CPNE2: variants seen among roughly 807,000 people sequenced by gnomAD.
The protein encoded by CPNE2 is copine 2.
CPNE2 carries 42 observed loss-of-function variants against 69.7 expected under a neutral mutation model. The ratio of observed to expected loss-of-function variants is 0.60; its 90% CI spans 0.47 to 0.78. The LOEUF is 0.78. CPNE2 is among the 30% of genes least tolerant of loss of function. The pLI, the probability that CPNE2 is intolerant of heterozygous loss-of-function variation, is 0.00. For missense variants in CPNE2, 587 were observed against 732.0 expected (o/e 0.80, Z 2.29); for synonymous variants, 294 against 289.8 (o/e 1.01, Z -0.15).
At chr16:57,095,002 G>C (rs1295476240) in intron 1 of CPNE2, among the ~76,000 whole-genome samples, 1 of 152,216 alleles carries the variant, frequency 6.6e-6, no homozygotes, top group Admixed American at 6.5e-5. Context: ...CTCAGGGTCA[G>C]GGTGCCCCCA....
In CPNE2 at chr16:57,092,608, G is replaced by A. The variant is rs2069550684; in HGVS notation, c.-218G>A. On this transcript the variant is annotated 5_prime_UTR_variant, in exon 1 of 16. Transcript: ENST00000290776. This position sits in a 1 kb window ranked among gnomAD's most constrained non-coding sequence, Gnocchi z 5.3. ...GCCCGCCCGCCCGGCCCGGGAGGAG[G>A]ACCGGACCCCGAGCGGCTGGGAGCG... 1 of 149,512 alleles carries A rather than the reference G, an allele frequency of 6.7e-6. No homozygotes were observed. Among genetic ancestry groups the A allele is most frequent in the African/African-American group, 2.4e-5 (1 of 40,842 alleles). The allele number at this position is 149,512 out of a possible 1,614,324, so 9.3% of individuals were successfully genotyped here.
rs370517131 is a variant in CPNE2, at chr16:57,147,720, G to A, written c.*62G>A. On this transcript the variant is annotated 3_prime_UTR_variant, in exon 16 of 16. Coordinates refer to ENST00000290776, the MANE Select transcript of CPNE2 (RefSeq NM_152727.6). ...CCTGCCCTCCCCCAGGAACATGCAC[G>A]CTCACTCTGCTTCCTTGTGGGTGGC... 40 of 1,105,192 alleles carry A rather than the reference G, an allele frequency of 3.6e-5. 1 individual carries two copies. In the South Asian group the frequency reaches 6.1e-4, roughly 17 times the overall value. The allele number at this position is 1,105,192 out of a possible 1,614,324, so 68.5% of individuals were successfully genotyped here. A position where few individuals can be genotyped will look rare whatever the true frequency, so the allele number is the denominator to read the frequency against.
intron 7 of CPNE2, among the ~76,000 whole-genome samples, chr16:57,119,989 C>T (rs1711753627): frequency 6.6e-6 from 1 of 152,200 alleles, no homozygotes; most frequent in African/African-American, 2.4e-5. Flanking sequence ...TCTCAGTCCT[C>T]TGGCTGAGTG....
chr16:57,115,248 C>A (rs1042473538), intron 3 of CPNE2, among the ~76,000 whole-genome samples: 1 of 152,148 alleles, frequency 6.6e-6, no homozygotes, highest in Admixed American at 6.5e-5. Flanking sequence ...CCAACTGCAG[C>A]GGGAGACCTC....
chr16:57,114,720 T>C (rs2069705379), intron 3 of CPNE2, among the ~76,000 whole-genome samples: 1 of 152,010 alleles, frequency 6.6e-6, no homozygotes, highest in Non-Finnish European at 1.5e-5. Flanking sequence ...GAGGGTGACT[T>C]TGCAATGTGG....
chr16:57,096,808 G>A (rs927170188), intron 1 of CPNE2, among the ~76,000 whole-genome samples: 1 of 151,970 alleles, frequency 6.6e-6, no homozygotes, highest in Non-Finnish European at 1.5e-5. Context: ...AGAGGGGACA[G>A]CCAGGGCACA....
intron 10 of CPNE2, chr16:57,124,326 C>T: frequency 2.2e-6 from 1 of 448,020 alleles, no homozygotes; most frequent in Non-Finnish European, 4.5e-6. Flanking sequence ...AAGCGATCTG[C>T]CCACCTTGGC....
intron 10 of CPNE2, 117 bp downstream of exon 10, chr16:57,123,590 C>T: frequency 8.9e-7 from 1 of 1,125,956 alleles, no homozygotes; most frequent in South Asian, 1.3e-5. Context: ...AAGGACTTCC[C>T]TGGGGCAAAG....
At chr16:57,113,227 C>T (rs2069692894) in intron 2 of CPNE2, 61 bp from the exon 3 acceptor site, 1 of 1,492,860 alleles carries the variant, frequency 6.7e-7, no homozygotes, top group Admixed American at 1.8e-5. Flanking sequence ...TTTCCAGCAG[C>T]CTGCGAGGTC....
Position 57,121,090 on chromosome 16 carries a change from C to A in CPNE2, c.682-3C>A, listed in dbSNP as rs1597497692. On this transcript the variant is annotated splice_region_variant and splice_polypyrimidine_tract_variant and intron_variant, in intron 7 of 15. Coordinates refer to ENST00000290776, the MANE Select transcript of CPNE2 (RefSeq NM_152727.6). Reference sequence around the variant, plus strand: ...TGGGGTGACCGTGCTGAACCCACCCCAGGTCATGTGCTACGACTATGACAA... The same window carrying A: ...TGGGGTGACCGTGCTGAACCCACCCAAGGTCATGTGCTACGACTATGACAA... 12 of 1,612,088 alleles carry A rather than the reference C, an allele frequency of 7.4e-6. 1 individual carries two copies. Among genetic ancestry groups the A allele is most frequent in the East Asian group, 2.2e-5 (1 of 44,858 alleles).
chr16:57,139,779 G>A (rs1384277020), intron 14 of CPNE2, among the ~76,000 whole-genome samples: 1 of 152,156 alleles, frequency 6.6e-6, no homozygotes, highest in African/African-American at 2.4e-5. Context: ...GGGAAAAATG[G>A]GTACCCTGGA....
intron 5 of CPNE2, 82 bp from the exon 6 acceptor site, chr16:57,119,113 G>C (rs2069741848): frequency 8.2e-7 from 1 of 1,226,274 alleles, no homozygotes; most frequent in Admixed American, 1.8e-5. Flanking sequence ...ACCCGGCTGG[G>C]GAGGCAGCAG....
chr16:57,129,533 G>A (rs2069823465), intron 12 of CPNE2, among the ~76,000 whole-genome samples: 2 of 152,106 alleles, frequency 1.3e-5, no homozygotes, highest in Admixed American at 1.3e-4. Context: ...AAAGGTGGAT[G>A]ATGGCTGGGC....
intron 9 of CPNE2, among the ~76,000 whole-genome samples, 179 bp downstream of exon 9, chr16:57,121,939 A>G (rs1379251466): frequency 1.3e-5 from 2 of 152,230 alleles, no homozygotes; most frequent in Non-Finnish European, 1.5e-5. Flanking sequence ...CATCTGTGGA[A>G]TGGAGATATT....
At chr16:57,137,354 T>A in intron 14 of CPNE2, 72 bp downstream of exon 14, 1 of 1,568,564 alleles carries the variant, frequency 6.4e-7, no homozygotes, top group Non-Finnish European at 8.7e-7. Flanking sequence ...CAGGATATTC[T>A]GCCTTCTCTT....
At chr16:57,095,553 A>C (rs369553936) in intron 1 of CPNE2, among the ~76,000 whole-genome samples, 9 of 152,018 alleles carry the variant, frequency 5.9e-5, no homozygotes, top group African/African-American at 2.2e-4. Context: ...GCTCACTGCA[A>C]CCTCCACCTC....
intron 10 of CPNE2, chr16:57,124,478 T>A: frequency 2.4e-6 from 1 of 420,178 alleles, no homozygotes; most frequent in Non-Finnish European, 4.9e-6. Context: ...ATGTGAGTGC[T>A]TTTAAGTGTG....
Position 57,146,174 on chromosome 16 carries a change from C to G in CPNE2, c.1392C>G (p.Pro464=). 2 of 1,581,148 alleles carry G rather than the reference C, an allele frequency of 1.3e-6. No homozygotes were observed. The highest frequency in any genetic ancestry group is 1.7e-6 in the Non-Finnish European group (2 of 1,162,584). ...RHAVVQASKL[P]MSIIIVGVGN... is the part of the protein sequence containing the mutation. The stretch of plus-strand genomic sequence containing the variant: ...CCGTGGTGCAGGCTTCCAAGCTGCC[C>G]ATGTCCATCATCATCGTGGGCGTGG... Residue 464 remains proline, a synonymous_variant, in exon 15 of 16, where the codon CCC becomes CCG. Coordinates refer to ENST00000290776, the MANE Select transcript of CPNE2 (RefSeq NM_152727.6). This position sits in a 1 kb window ranked among gnomAD's most constrained non-coding sequence, Gnocchi z 4.4.
chr16:57,114,363 C>T (rs1398699620), intron 3 of CPNE2, among the ~76,000 whole-genome samples: 4 of 152,176 alleles, frequency 2.6e-5, no homozygotes, highest in African/African-American at 9.7e-5. Flanking sequence ...CTGGTAAGAC[C>T]TGTGGCCCAT....
Sources: allele counts gnomAD v4.1 joint callset (sites outside exome capture counted in the v4.1 genomes callset), GRCh38; gene constraint gnomAD v4.1.1; non-coding constraint Gnocchi (gnomAD v3.1); transcripts MANE v1.5; gene names NCBI Gene and HGNC (gene_info 2026-07-23, HGNC 2026-07-21).